RBM48: variants seen among roughly 807,000 people sequenced by gnomAD.
RBM48 encodes the protein RNA-binding protein 48.
RBM48 carries 32 observed loss-of-function variants against 34.8 expected under a neutral mutation model. The ratio of observed to expected loss-of-function variants is 0.92; its 90% CI spans 0.69 to 1.23. RBM48 has a LOEUF of 1.23. Ranked by LOEUF, RBM48 falls within the 50% of genes most tolerant of loss-of-function variation. The pLI, the probability that RBM48 is intolerant of heterozygous loss-of-function variation, is 0.00. For synonymous variants in RBM48, 151 were observed against 156.2 expected (o/e 0.97, Z 0.25); for missense variants, 441 against 447.2 (o/e 0.99, Z 0.12).
chr7:92,533,967 T>TAAAAAA (rs768646005), intron 3 of RBM48, among the ~76,000 whole-genome samples: 1 of 83,914 alleles, frequency 1.2e-5, no homozygotes, highest in Non-Finnish European at 2.6e-5. Context: ...TCTGAAATTG[T>TAAAAAA]AAAAAAAAAA....
rs1465095863 is a variant in RBM48 at position 92,539,814 on chromosome 7, CTT to C, written c.*2880_*2881del. 3.3e-5 allele frequency among the ~76,000 whole-genome samples: 5 copies of C among 152,286 alleles called. No individual in the cohort carries two copies. In the East Asian group the frequency reaches 9.6e-4, roughly 29 times the overall value. The stretch of plus-strand genomic sequence containing the variant: ...AGACTGATACTTGCAGCTCAGAAAA[CTT>C]TTGTCAGATGCATACATGAAAAACC... On this transcript the variant is annotated 3_prime_UTR_variant, in exon 5 of 5. Transcript: ENST00000265732.
At position 92,532,480 on chromosome 7, in the gene RBM48, A is replaced by G; in HGVS notation, c.379A>G (p.Thr127Ala). Residue 127 changes from threonine (T) to alanine (A), a missense_variant, in exon 3 of 5, where the codon ACA (threonine) becomes GCA (alanine). Transcript: ENST00000265732. ...TGTGTGCTATGCTCCAGAATTTGAA[A>G]CAGTTGAAGAAACTAGAAAAAAACT... ...LHVCYAPEFE[T>A]VEETRKKLQM... 6.2e-7 allele frequency: 1 copy of G among 1,612,854 alleles called. No homozygotes were observed. The highest frequency in any genetic ancestry group is 8.5e-7 in the Non-Finnish European group (1 of 1,178,838).
At chr7:92,533,695 A>T (rs1793630671) in intron 3 of RBM48, among the ~76,000 whole-genome samples, 1 of 152,206 alleles carries the variant, frequency 6.6e-6, no homozygotes, top group Non-Finnish European at 1.5e-5. Context: ...AACTCTTATT[A>T]TGGAAATTTC....
intron 3 of RBM48, among the ~76,000 whole-genome samples, chr7:92,533,980 A>AC (rs1793638599): frequency 6.6e-6 from 1 of 151,968 alleles, no homozygotes; most frequent in Admixed American, 6.6e-5. Flanking sequence ...AAAAAAAAAA[A>AC]AAAAAAAAAC....
At chr7:92,536,557 A>G in intron 4 of RBM48, 2 of 1,026,564 alleles carry the variant, frequency 1.9e-6, no homozygotes, top group Non-Finnish European at 2.3e-6. Context: ...CCGTAATATA[A>G]CAAGTGTCTT....
At chr7:92,533,657 A>G (rs955749599) in intron 3 of RBM48, among the ~76,000 whole-genome samples, 3 of 152,224 alleles carry the variant, frequency 2.0e-5, no homozygotes, top group Admixed American at 6.5e-5. Context: ...TACAAGATGC[A>G]TTTGTATACG....
rs201168523 is a variant in RBM48 at position 92,534,857 on chromosome 7, C to T, written c.904C>T (p.Pro302Ser). The change falls in exon 4 of 5, where the codon CCA (proline) becomes TCA (serine). Residue 302 changes from proline (P) to serine (S), a missense_variant. By Grantham distance (74) the Pro-to-Ser change is moderately conservative. Transcript: ENST00000265732. Reference protein sequence around the residue: ...RKLGTFLQTNPTGNEIMIGPL... With the variant: ...RKLGTFLQTNSTGNEIMIGPL... ...ACTTGGAACTTTTCTTCAAACAAAC[C>T]CAACTGGTAATGAGATTATGATTGG... 1 of 1,614,158 alleles carries T rather than the reference C, an allele frequency of 6.2e-7. No individual in the cohort carries two copies. The highest frequency in any genetic ancestry group is 1.3e-5 in the African/African-American group (1 of 75,044).
intron 4 of RBM48, chr7:92,536,622 A>AT: frequency 1.1e-5 from 13 of 1,148,094 alleles, no homozygotes; most frequent in Admixed American, 4.7e-5. Context: ...CTTCCTCCAA[A>AT]TTTTTTTTCT....
At chr7:92,529,437 AT>A in intron 1 of RBM48, 38 bp from the exon 2 acceptor site, 1 of 1,297,734 alleles carries the variant, frequency 7.7e-7, no homozygotes. Flanking sequence ...TCCTAGGCTT[AT>A]TTGCGAAATA....
rs945762112 is a variant in RBM48, at chr7:92,538,151, C to T, written c.*1214C>T. 6.6e-6 allele frequency: 1 copy of T among 152,178 alleles called. No individual in the cohort carries two copies. Among genetic ancestry groups the T allele is most frequent in the Non-Finnish European group, 1.5e-5 (1 of 68,032 alleles). 9.4% of individuals were successfully genotyped at this position (152,178 alleles called of 1,614,324 possible). On this transcript the variant is annotated 3_prime_UTR_variant, in exon 5 of 5. Transcript: ENST00000265732. ...AGCTGCAGACAAAACCCCGCAGACACCAGGTTATAGAAAGAAGAGGCTTTA... is the reference window on the plus strand; with the variant it reads ...AGCTGCAGACAAAACCCCGCAGACATCAGGTTATAGAAAGAAGAGGCTTTA...
At position 92,540,248 on chromosome 7, in the gene RBM48, A is replaced by G. The variant is rs1290203036; in HGVS notation, c.*3311A>G. On this transcript the variant is annotated 3_prime_UTR_variant, in exon 5 of 5. Coordinates refer to ENST00000265732, the MANE Select transcript of RBM48 (RefSeq NM_032120.4). ...AATTTTTCCTGAATCTATATGGGCT[A>G]TTGGCACTAGTAACTATACATTTGC... The G allele has an allele frequency of 2.6e-5, 4 of 152,226 alleles. No individual in the cohort carries two copies. The highest frequency in any genetic ancestry group is 5.9e-5 in the Non-Finnish European group (4 of 68,042). The allele number at this position is 152,226 out of a possible 1,614,324, so 9.4% of individuals were successfully genotyped here.
At position 92,539,485 on chromosome 7, in the gene RBM48, T is replaced by C. The variant is rs1793808240; in HGVS notation, c.*2548T>C. Among the ~76,000 whole-genome samples the C allele has an allele frequency of 6.6e-6, 1 of 152,214 alleles. No individual in the cohort carries two copies. Among genetic ancestry groups the C allele is most frequent in the Non-Finnish European group, 1.5e-5 (1 of 68,040 alleles). ...GGGAGGCCAAGGTGGGAGGATCACC[T>C]GAGGTCAGGAGTTCAAGGCCAGCCT... On this transcript the variant is annotated 3_prime_UTR_variant, in exon 5 of 5. Transcript: ENST00000265732.
chr7:92,534,389 T>C lies in RBM48; in HGVS notation c.449-13T>C. On this transcript the variant is annotated splice_polypyrimidine_tract_variant and intron_variant, in intron 3 of 4. Transcript: ENST00000265732. The stretch of plus-strand genomic sequence containing the variant: ...GTTTCCCTTTCCCTCAACTTTTAAA[T>C]TGTAATATAAAGACCATTACGTGAC... 1 of 1,596,336 alleles carries C rather than the reference T, an allele frequency of 6.3e-7. No individual in the cohort carries two copies. The highest frequency in any genetic ancestry group is 1.1e-5 in the South Asian group (1 of 87,922).
intron 4 of RBM48, chr7:92,535,303 C>A: frequency 8.3e-7 from 1 of 1,198,496 alleles, no homozygotes; most frequent in Non-Finnish European, 1.0e-6. Flanking sequence ...CTAATATGAG[C>A]CAAAGTTGAG....
At position 92,539,952 on chromosome 7, in the gene RBM48, A is replaced by G. The variant is rs1009895032; in HGVS notation, c.*3015A>G. On this transcript the variant is annotated 3_prime_UTR_variant, in exon 5 of 5. Transcript: ENST00000265732. ...TTTGTGGTGTACTTGCTGAAACTCT[A>G]TTCAGTGTTCTATCCCTTAAGCAAG... 4.6e-5 allele frequency among the ~76,000 whole-genome samples: 7 copies of G among 152,212 alleles called. No individual in the cohort carries two copies. The highest frequency in any genetic ancestry group is 7.3e-5 in the Non-Finnish European group (5 of 68,030).
rs912421811 is a variant in RBM48, at chr7:92,537,833, T to C, written c.*896T>C. 11 of 152,182 alleles carry C rather than the reference T, an allele frequency of 7.2e-5. No individual in the cohort carries two copies. Among genetic ancestry groups the C allele is most frequent in the African/African-American group, 2.7e-4 (11 of 41,452 alleles). The allele number at this position is 152,182 out of a possible 1,614,324, so 9.4% of individuals were successfully genotyped here. On this transcript the variant is annotated 3_prime_UTR_variant, in exon 5 of 5. Transcript: ENST00000265732. ...CATCTAGACTGTCTCTATTTTCTTT[T>C]TCTTTTTTTATTTTTAGTAGAGACA...
In RBM48 at chr7:92,532,515, G is replaced by A. The variant is rs1168007334; in HGVS notation, c.414G>A (p.Arg138=). The A allele has an allele frequency of 6.2e-7, 1 of 1,612,778 alleles. No individual in the cohort carries two copies. The highest frequency in any genetic ancestry group is 8.5e-7 in the Non-Finnish European group (1 of 1,179,000). Residue 138 remains arginine, a synonymous_variant, in exon 3 of 5, where the codon CGG becomes CGA. Transcript: ENST00000265732. ...VEETRKKLQM[R]KAYVVKTTEN... ...AAACTAGAAAAAAACTACAAATGCG[G>A]AAGGCATATGTAGTAAAAACTACTG...
Position 92,537,539 on chromosome 7 carries a change from T to C in RBM48, c.*602T>C, listed in dbSNP as rs890081464. The C allele has an allele frequency of 1.3e-5, 2 of 152,220 alleles. No homozygotes were observed. The highest frequency in any genetic ancestry group is 4.8e-5 in the African/African-American group (2 of 41,460). 9.4% of individuals were successfully genotyped at this position (152,220 alleles called of 1,614,324 possible). A position where few individuals can be genotyped will look rare whatever the true frequency, so the allele number is the denominator to read the frequency against. ...CTGTTTCCAATTATAATACAAGTAT[T>C]GAATGAACCATTGAAACACTAGAAG... On this transcript the variant is annotated 3_prime_UTR_variant, in exon 5 of 5. Transcript: ENST00000265732.
chr7:92,532,884 C>T (rs1445478908), intron 3 of RBM48, among the ~76,000 whole-genome samples: 1 of 152,214 alleles, frequency 6.6e-6, no homozygotes, highest in East Asian at 1.9e-4. Context: ...ATTTAAGGAA[C>T]TTTAATTAAT....
Sources: allele counts gnomAD v4.1 joint callset (sites outside exome capture counted in the v4.1 genomes callset), GRCh38; gene constraint gnomAD v4.1.1; transcripts MANE v1.5; gene names NCBI Gene and HGNC (gene_info 2026-07-23, HGNC 2026-07-21).